Variants in HMGN3 observed in about 807,000 individuals in gnomAD.
HMGN3 encodes the protein high mobility group nucleosomal binding domain 3, also known as high mobility group nucleosome-binding domain-containing protein 3.
A neutral mutation model predicts 18.8 loss-of-function variants in HMGN3; 6 were observed. The observed-to-expected ratio is 0.32, with a 90% CI of 0.18 to 0.63. The LOEUF (loss-of-function observed/expected upper bound fraction) is 0.63, where lower values mean the gene tolerates loss of function less well. Among genes scored for constraint, HMGN3 ranks in the 30% least tolerant of loss-of-function variants. The pLI is 0.79. For synonymous variants in HMGN3, 40 were observed against 36.5 expected, an observed-to-expected ratio of 1.10 and a Z score of -0.35; for missense variants, 107 against 114.2, an observed-to-expected ratio of 0.94 and a Z score of 0.29.
intron 1 of HMGN3, among the ~76,000 whole-genome samples, chr6:79,229,941 C>G (rs1477644590): frequency 6.6e-6 from 1 of 152,124 alleles, no homozygotes; most frequent in Non-Finnish European, 1.5e-5. Context: ...TAGAAATCTT[C>G]CCAAGAGAAA....
chr6:79,225,991 C>G (rs1237588367), intron 1 of HMGN3, among the ~76,000 whole-genome samples: 1 of 152,166 alleles, frequency 6.6e-6, no homozygotes, highest in African/African-American at 2.4e-5. Flanking sequence ...TTACGTAACT[C>G]TTGATTCCTC....
At chr6:79,229,653 G>A (rs763871759) in intron 1 of HMGN3, among the ~76,000 whole-genome samples, 23 of 152,242 alleles carry the variant, frequency 1.5e-4, no homozygotes, top group Non-Finnish European at 2.6e-4. Flanking sequence ...CGAGACGGGC[G>A]GATCACGAGG....
At chr6:79,208,900 T>A (rs1323926184) in intron 2 of HMGN3, among the ~76,000 whole-genome samples, 1 of 152,150 alleles carries the variant, frequency 6.6e-6, no homozygotes, top group East Asian at 1.9e-4. Context: ...TATGACAAAA[T>A]CAACAGCAAG....
chr6:79,211,011 C>CAAAAAAAAAAAAAAAAAAAAAAAAAA (rs59749044), intron 2 of HMGN3, among the ~76,000 whole-genome samples: 1 of 89,748 alleles, frequency 1.1e-5, no homozygotes, highest in Non-Finnish European at 2.1e-5. Context: ...GAAATTAATG[C>CAAAAAAAAAAAAAAAAAAAAAAAAAA]AAAAAAAAAA....
At chr6:79,221,887 C>T (rs1297859952) in intron 1 of HMGN3, among the ~76,000 whole-genome samples, 1 of 151,792 alleles carries the variant, frequency 6.6e-6, no homozygotes, top group Non-Finnish European at 1.5e-5. Context: ...TTCATTGGTA[C>T]ATGTAGTACC....
chr6:79,203,540 A>G (rs1418529036), intron 4 of HMGN3, 40 bp downstream of exon 4: 3 of 1,501,232 alleles, frequency 2.0e-6, no homozygotes, highest in Non-Finnish European at 1.9e-6. Context: ...TAATTTATTC[A>G]TTGTTTAAAA....
intron 5 of HMGN3, 95 bp from the exon 7 acceptor site, chr6:79,201,821 T>C: frequency 2.0e-6 from 3 of 1,516,958 alleles, no homozygotes; most frequent in South Asian, 1.3e-5. Context: ...GTTTTGAACA[T>C]TTGTTTTCTT....
At chr6:79,230,442 C>T (rs1777784849) in intron 1 of HMGN3, among the ~76,000 whole-genome samples, 1 of 152,170 alleles carries the variant, frequency 6.6e-6, no homozygotes. Flanking sequence ...GTAGATTATA[C>T]TCAATAAATG....
At chr6:79,218,790 T>C (rs1464172915) in intron 1 of HMGN3, among the ~76,000 whole-genome samples, 2 of 152,214 alleles carry the variant, frequency 1.3e-5, no homozygotes, top group African/African-American at 4.8e-5. Context: ...TACGTATGTA[T>C]GTTTTATATT....
At chr6:79,216,275 A>G (rs968323878) in intron 1 of HMGN3, among the ~76,000 whole-genome samples, 1 of 152,232 alleles carries the variant, frequency 6.6e-6, no homozygotes, top group African/African-American at 2.4e-5. Context: ...ATGTATCAGT[A>G]AATAATAGAG....
At chr6:79,225,816 A>C (rs1220821898) in intron 1 of HMGN3, among the ~76,000 whole-genome samples, 1 of 152,196 alleles carries the variant, frequency 6.6e-6, no homozygotes. Context: ...ATTTCATGGT[A>C]ATGCTCCTCT....
At chr6:79,202,442 T>A (rs1166538979) in intron 4 of HMGN3, 53 bp from the exon 5 acceptor site, 1 of 1,381,672 alleles carries the variant, frequency 7.2e-7, no homozygotes, top group African/African-American at 1.4e-5. Flanking sequence ...GGTGTGATGA[T>A]GGCTAAAATC....
chr6:79,227,904 C>T (rs535280965), intron 1 of HMGN3, among the ~76,000 whole-genome samples: 22 of 152,294 alleles, frequency 1.4e-4, no homozygotes, highest in Non-Finnish European at 2.8e-4. Flanking sequence ...AAAGGAAGAT[C>T]AGAGCCATGA....
chr6:79,217,923 C>T lies in HMGN3; in HGVS notation c.16-2901G>A, dbSNP rs544521505. Among the ~76,000 whole-genome samples the T allele has an allele frequency of 5.3e-5, 8 of 152,302 alleles. No individual in the cohort carries two copies. In the East Asian group the frequency reaches 5.8e-4, roughly 11 times the overall value. ...GATGTGAAAGATGAGGAGAGTTAGA[C>T]GGGATGCAGGGACTGCCAAGGCAAA... On this transcript the variant is annotated intron_variant, in intron 1 of 5. Coordinates refer to ENST00000344726, the Ensembl canonical transcript of HMGN3.
At chr6:79,216,810 A>C (rs1474931561) in intron 1 of HMGN3, among the ~76,000 whole-genome samples, 1 of 152,130 alleles carries the variant, frequency 6.6e-6, no homozygotes, top group Non-Finnish European at 1.5e-5. Flanking sequence ...CTACAAACTC[A>C]ACCCTTCTGG....
At chr6:79,210,393 C>T (rs1443951249) in intron 2 of HMGN3, among the ~76,000 whole-genome samples, 11 of 152,134 alleles carry the variant, frequency 7.2e-5, no homozygotes, top group Non-Finnish European at 4.4e-5. Context: ...GTGACAGTCT[C>T]CATGCTAAAG....
chr6:79,234,449 T>C (rs536048577), intron 1 of HMGN3, 97 bp downstream of exon 1: 1 of 1,177,496 alleles, frequency 8.5e-7, no homozygotes, highest in South Asian at 1.3e-5. Context: ...AATCCCCGGG[T>C]TACTACCGCG....
intron 1 of HMGN3, among the ~76,000 whole-genome samples, chr6:79,231,153 G>C (rs1388454359): frequency 1.3e-5 from 2 of 152,166 alleles, no homozygotes; most frequent in African/African-American, 2.4e-5. Flanking sequence ...CTAGTGATAA[G>C]GAACTGGAAA....
intron 3 of HMGN3, among the ~76,000 whole-genome samples, chr6:79,205,830 A>C (rs1369663714): frequency 6.6e-6 from 1 of 152,192 alleles, no homozygotes; most frequent in Non-Finnish European, 1.5e-5. Context: ...AGATTTGTTG[A>C]ATGGCTTTAA....
Sources: gnomAD v4.1 joint callset for allele counts (sites outside exome capture counted in the v4.1 genomes callset) on GRCh38, gnomAD v4.1.1 for gene constraint, MANE v1.5 for transcripts, NCBI Gene and HGNC (gene_info 2026-07-23, HGNC 2026-07-21) for gene names.